Variants in PCDHA7 observed in about 807,000 individuals in gnomAD.
PCDHA7 encodes protocadherin alpha-7.
A neutral mutation model predicts 57.2 loss-of-function variants in PCDHA7; 37 were observed. The ratio of observed to expected loss-of-function variants is 0.65; its 90% CI spans 0.50 to 0.85. The LOEUF is 0.85. Among genes scored for constraint, PCDHA7 ranks in the 40% least tolerant of loss-of-function variants. PCDHA7 has a pLI of 0.00. For synonymous variants in PCDHA7, 553 were observed against 558.8 expected (o/e 0.99, Z 0.15); for missense variants, 1,188 against 1,241.8 (o/e 0.96, Z 0.65).
At position 140,842,583 on chromosome 5, in the gene PCDHA7, A is replaced by G. The variant is rs2150339895; in HGVS notation, c.2355+5845A>G. ...CTGGACCGCGAGAGAGTGTCGGCCT[A>G]TGAGTTGGTGGTAACCGCGCGGGAC... On this transcript the variant is annotated intron_variant, in intron 1 of 3. Transcript: ENST00000525929. The G allele has an allele frequency of 3.9e-5, 59 of 1,520,170 alleles. 7 individuals are homozygous for G. The highest frequency in any genetic ancestry group is 5.2e-5 in the Non-Finnish European group (58 of 1,118,060). The allele number at this position is 1,520,170 out of a possible 1,614,324, so 94.2% of individuals were successfully genotyped here.
chr5:140,869,192 A>T (rs782002128), intron 1 of PCDHA7: 2 of 1,613,882 alleles, frequency 1.2e-6, no homozygotes, highest in East Asian at 4.5e-5. Flanking sequence ...GGGAGCGGCC[A>T]GCTCCACTAC....
At position 140,853,027 on chromosome 5, in the gene PCDHA7, T is replaced by C. The variant is rs2150527386; in HGVS notation, c.2355+16289T>C. The C allele has an allele frequency of 3.8e-4, 97 of 255,546 alleles. 3 individuals are homozygous for C. Among genetic ancestry groups the C allele is most frequent in the Non-Finnish European group, 5.7e-4 (88 of 155,318 alleles). 15.8% of individuals were successfully genotyped at this position (255,546 alleles called of 1,614,324 possible). Reference sequence around the variant, plus strand: ...CCGAGTAGCTGGGACTACAGGCGCCTGCCACCATGCCCGCCTAATTTTTTT... The same window carrying C: ...CCGAGTAGCTGGGACTACAGGCGCCCGCCACCATGCCCGCCTAATTTTTTT... On this transcript the variant is annotated intron_variant, in intron 1 of 3. Coordinates refer to ENST00000525929, the MANE Select transcript of PCDHA7 (RefSeq NM_018910.3).
At chr5:140,896,346 G>A (rs1466880160) in intron 1 of PCDHA7, among the ~76,000 whole-genome samples, 17 of 151,992 alleles carry the variant, frequency 1.1e-4, no homozygotes, top group African/African-American at 3.4e-4. Flanking sequence ...TTATATTCCC[G>A]CCAGCAGTGT....
At chr5:140,863,452 G>T in intron 1 of PCDHA7, 2 of 561,032 alleles carry the variant, frequency 3.6e-6, no homozygotes, top group Non-Finnish European at 6.8e-6. Flanking sequence ...TCGCAGCAAA[G>T]GAGATTTTAC....
intron 1 of PCDHA7, among the ~76,000 whole-genome samples, chr5:140,897,443 G>GT (rs1562897655): frequency 6.7e-6 from 1 of 149,986 alleles, no homozygotes; most frequent in Non-Finnish European, 1.5e-5. Flanking sequence ...GCAGTGTTTG[G>GT]TTTTTTGTCC....
chr5:140,869,481 TAACG>T (rs1306564737), intron 1 of PCDHA7: 1 of 1,613,970 alleles, frequency 6.2e-7, no homozygotes, highest in African/African-American at 1.3e-5. Flanking sequence ...TGAAGGACAT[TAACG>T]ACAACCCGCC....
chr5:140,951,220 C>G (rs1554219798), intron 1 of PCDHA7, among the ~76,000 whole-genome samples: 1 of 151,926 alleles, frequency 6.6e-6, no homozygotes, highest in Non-Finnish European at 1.5e-5. Context: ...GGTTTGGATT[C>G]TTGATGGTCT....
chr5:140,911,907 C>T (rs926309943), intron 1 of PCDHA7, among the ~76,000 whole-genome samples: 2 of 152,110 alleles, frequency 1.3e-5, no homozygotes, highest in Admixed American at 6.6e-5. Flanking sequence ...AGTCAGAGCT[C>T]TCTAGAGGAC....
intron 1 of PCDHA7, among the ~76,000 whole-genome samples, chr5:140,978,570 G>C (rs151127662): frequency 6.6e-6 from 1 of 152,196 alleles, no homozygotes; most frequent in Middle Eastern, 3.2e-3. Flanking sequence ...CTGTAATACT[G>C]AATTGGGAAT....
intron 1 of PCDHA7, among the ~76,000 whole-genome samples, chr5:140,963,050 G>A (rs2095732681): frequency 6.6e-6 from 1 of 152,030 alleles, no homozygotes; most frequent in African/African-American, 2.4e-5. Flanking sequence ...AGTCTATAAG[G>A]GTTTCTACAT....
At chr5:140,884,549 G>C (rs782470468) in intron 1 of PCDHA7, 2 of 1,614,016 alleles carry the variant, frequency 1.2e-6, no homozygotes, top group Non-Finnish European at 1.7e-6. Flanking sequence ...GGTGTGCTCT[G>C]GGGAGGGCCC....
chr5:140,984,754 A>G (rs2097118359), intron 3 of PCDHA7, among the ~76,000 whole-genome samples: 1 of 152,158 alleles, frequency 6.6e-6, no homozygotes, highest in Admixed American at 6.5e-5. Context: ...ATTTGAGTTG[A>G]ATTCTAATCC....
intron 1 of PCDHA7, chr5:140,870,939 G>C (rs555504652): frequency 6.2e-7 from 1 of 1,613,732 alleles, no homozygotes; most frequent in South Asian, 1.1e-5. Flanking sequence ...AATTGCAGCC[G>C]GCGGCGGGCG....
chr5:140,962,050 A>AT (rs1207278188), intron 1 of PCDHA7, among the ~76,000 whole-genome samples: 3 of 151,684 alleles, frequency 2.0e-5, no homozygotes, highest in African/African-American at 7.3e-5. Context: ...TGCCTGGCTA[A>AT]TTTTTTTGTA....
chr5:140,954,532 GT>G (rs1274213608), intron 1 of PCDHA7, among the ~76,000 whole-genome samples: 7 of 152,088 alleles, frequency 4.6e-5, no homozygotes, highest in Non-Finnish European at 5.9e-5. Context: ...TGATGTTGAG[GT>G]TTTTTTCATA....
At chr5:140,882,065 A>C in intron 1 of PCDHA7, 1 of 831,114 alleles carries the variant, frequency 1.2e-6, no homozygotes, top group Non-Finnish European at 1.8e-6. Flanking sequence ...TTACACGTTC[A>C]TGCGCATGGT....
intron 1 of PCDHA7, chr5:140,882,709 T>G (rs782343997): frequency 6.2e-7 from 1 of 1,614,022 alleles, no homozygotes; most frequent in Non-Finnish European, 8.5e-7. Flanking sequence ...AATCTAGACC[T>G]CCGGAAACTC....
chr5:140,891,694 T>A (rs1302084074), intron 1 of PCDHA7, among the ~76,000 whole-genome samples: 1 of 152,236 alleles, frequency 6.6e-6, no homozygotes, highest in East Asian at 1.9e-4. Flanking sequence ...TTCTTGCTGT[T>A]GTCTGAATTT....
rs781883324 is a variant in PCDHA7 at position 140,927,514 on chromosome 5, G to A, written c.2356-51435G>A. 3.2e-5 allele frequency: 52 copies of A among 1,613,938 alleles called. No individual in the cohort carries two copies. The highest frequency in any genetic ancestry group is 4.2e-5 in the Non-Finnish European group (49 of 1,180,040). ...CCTGCTGGTGCTTACAGCTCGGGAC[G>A]GCGGGCTACCTGCCCGCTCAGGAGA... On this transcript the variant is annotated intron_variant, in intron 1 of 3. Coordinates refer to ENST00000525929, the MANE Select transcript of PCDHA7 (RefSeq NM_018910.3).
Sources: gnomAD v4.1 joint callset for allele counts (sites outside exome capture counted in the v4.1 genomes callset) on GRCh38, gnomAD v4.1.1 for gene constraint, MANE v1.5 for transcripts, NCBI Gene and HGNC (gene_info 2026-07-23, HGNC 2026-07-21) for gene names.